Variants in MSI2 observed in about 807,000 individuals in gnomAD.
MSI2 encodes the protein musashi RNA binding protein 2, also known as RNA-binding protein Musashi homolog 2.
Under a neutral mutation model 45.6 loss-of-function variants are expected in MSI2, and 17 were observed. The observed-to-expected ratio is 0.37, with a 90% CI of 0.26 to 0.56. MSI2 has a LOEUF of 0.56. Among genes scored for constraint, MSI2 ranks in the 20% least tolerant of loss-of-function variants. MSI2 has a pLI of 0.77. For missense variants in MSI2, 293 were observed against 444.2 expected (o/e 0.66, Z 3.06); for synonymous variants, 156 against 158.2 (o/e 0.99, Z 0.11).
chr17:57,316,517 G>T (rs1912863487), intron 5 of MSI2, among the ~76,000 whole-genome samples: 1 of 152,090 alleles, frequency 6.6e-6, no homozygotes, highest in Admixed American at 6.6e-5. Context: ...GTGTAGACAG[G>T]ATCTTGCTAT....
chr17:57,676,890 C>T, intron 12 of MSI2, 97 bp from the exon 13 acceptor site: 1 of 841,368 alleles, frequency 1.2e-6, no homozygotes, highest in East Asian at 2.4e-5. Context: ...TGCTGGCAAC[C>T]ACAGAACTAG....
intron 8 of MSI2, chr17:57,600,712 C>G (rs1458150277): frequency 6.6e-6 from 1 of 152,134 alleles, no homozygotes; most frequent in Non-Finnish European, 1.5e-5. Flanking sequence ...CATGTAGGCC[C>G]TGCCTTAAGG....
chr17:57,462,640 G>A (rs902706063), intron 6 of MSI2, among the ~76,000 whole-genome samples: 1 of 152,226 alleles, frequency 6.6e-6, no homozygotes, highest in African/African-American at 2.4e-5. Context: ...CCAGCACAGA[G>A]CAGGACATTC....
In MSI2 at chr17:57,339,084, C is replaced by T. The variant is rs182648274; in HGVS notation, c.313-62295C>T. Among the ~76,000 whole-genome samples the T allele has an allele frequency of 9.9e-5, 15 of 152,130 alleles. No individual in the cohort carries two copies. In the East Asian group the frequency reaches 2.7e-3, roughly 28 times the overall value. On this transcript the variant is annotated intron_variant, in intron 5 of 13. Transcript: ENST00000284073. ...AAATCACGGACGTTAAAATAAATGACGCAAATATCTGTATTTTTTGTATCA... is the reference window on the plus strand; with the variant it reads ...AAATCACGGACGTTAAAATAAATGATGCAAATATCTGTATTTTTTGTATCA...
chr17:57,672,618 A>C (rs1221845855), intron 11 of MSI2, among the ~76,000 whole-genome samples: 1 of 152,190 alleles, frequency 6.6e-6, no homozygotes, highest in African/African-American at 2.4e-5. Context: ...CCGGCCAGAC[A>C]AGAAAGAAGC....
In MSI2 at chr17:57,529,586, A is replaced by G. The variant is rs1275424678; in HGVS notation, c.406-90A>G. Reference sequence around the variant, plus strand: ...AGCAACTATTACTTCTGTAATGGAAACTACCCCCTCACCCCCCGACATGCA... The same window carrying G: ...AGCAACTATTACTTCTGTAATGGAAGCTACCCCCTCACCCCCCGACATGCA... On this transcript the variant is annotated intron_variant, in intron 6 of 13. Coordinates refer to ENST00000284073, the MANE Select transcript of MSI2 (RefSeq NM_138962.4). The surrounding 1 kb of genome is among the most constrained non-coding windows in gnomAD (Gnocchi z 5.3). 2 of 1,180,600 alleles carry G rather than the reference A, an allele frequency of 1.7e-6. No individual in the cohort carries two copies. The highest frequency in any genetic ancestry group is 1.2e-6 in the Non-Finnish European group (1 of 804,250). 73.1% of individuals were successfully genotyped at this position (1,180,600 alleles called of 1,614,324 possible).
At chr17:57,471,899 G>A (rs1341438297) in intron 6 of MSI2, among the ~76,000 whole-genome samples, 3 of 152,176 alleles carry the variant, frequency 2.0e-5, no homozygotes, top group African/African-American at 7.2e-5. Flanking sequence ...GGGAGGGGAA[G>A]AGAGGGGAAA....
intron 5 of MSI2, chr17:57,267,874 G>A (rs1184035802): frequency 6.6e-6 from 1 of 152,000 alleles, no homozygotes; most frequent in African/African-American, 2.4e-5. Flanking sequence ...TCTAGTTTTT[G>A]CTGCCTTGAA....
chr17:57,587,229 G>T (rs1904377097), intron 7 of MSI2, among the ~76,000 whole-genome samples: 1 of 152,162 alleles, frequency 6.6e-6, no homozygotes, highest in Non-Finnish European at 1.5e-5. Flanking sequence ...TGGTCGCCAG[G>T]TTATGGTGGC....
At chr17:57,390,544 A>C (rs1172399072) in intron 5 of MSI2, among the ~76,000 whole-genome samples, 2 of 152,224 alleles carry the variant, frequency 1.3e-5, no homozygotes, top group African/African-American at 2.4e-5. Flanking sequence ...TGCTCATCAG[A>C]AACTGATTGC....
chr17:57,370,637 G>A (rs997312095), intron 5 of MSI2, among the ~76,000 whole-genome samples: 2 of 152,168 alleles, frequency 1.3e-5, no homozygotes, highest in East Asian at 1.9e-4. Flanking sequence ...ATTCTGCTAC[G>A]CCTGCTTTGA....
the MSI2 span, among the ~76,000 whole-genome samples, chr17:57,692,654 ATT>A: frequency 6.6e-6 from 1 of 152,072 alleles, no homozygotes; most frequent in Non-Finnish European, 1.5e-5. Context: ...TGAAAAAACT[ATT>A]TGTTTCTCTT....
rs191566573 is a variant in MSI2 at position 57,256,534 on chromosome 17, C to A, written c.-209C>A. The A allele has an allele frequency of 0.18, 52,138 of 289,996 alleles. 5,244 individuals are homozygous for A. Among genetic ancestry groups the A allele is most frequent in the East Asian group, 0.38 (8,076 of 20,988 alleles). 18.0% of individuals were successfully genotyped at this position (289,996 alleles called of 1,614,324 possible). The stretch of plus-strand genomic sequence containing the variant: ...GGGGACGGGGGGGTGTGCGAGGCAG[C>A]GGGGCTGAGCTAAGCCGAGCCCACG... On this transcript the variant is annotated 5_prime_UTR_variant, in exon 1 of 14. Coordinates refer to ENST00000284073, the MANE Select transcript of MSI2 (RefSeq NM_138962.4).
At chr17:57,669,999 C>T (rs1391265855) in intron 11 of MSI2, among the ~76,000 whole-genome samples, 1 of 152,208 alleles carries the variant, frequency 6.6e-6, no homozygotes, top group African/African-American at 2.4e-5. Flanking sequence ...GTGAGACCCA[C>T]CACACCAGGA....
chr17:57,674,084 C>G (rs1567971362), intron 11 of MSI2, among the ~76,000 whole-genome samples: 1 of 151,556 alleles, frequency 6.6e-6, no homozygotes, highest in Non-Finnish European at 1.5e-5. Flanking sequence ...TTTACCATTC[C>G]CCCCCATCCC....
intron 5 of MSI2, among the ~76,000 whole-genome samples, chr17:57,398,370 G>A (rs577627443): frequency 3.9e-5 from 6 of 152,264 alleles, no homozygotes; most frequent in African/African-American, 1.2e-4. Context: ...GGTAGATCAC[G>A]TTAGTGTTTC....
At chr17:57,495,482 A>AAGAT (rs2085958020) in intron 6 of MSI2, among the ~76,000 whole-genome samples, 1 of 133,764 alleles carries the variant, frequency 7.5e-6, no homozygotes. Flanking sequence ...GCAGTGAGCC[A>AAGAT]AGATTGCGCC....
chr17:57,534,606 C>CG (rs1234130761), intron 7 of MSI2, among the ~76,000 whole-genome samples: 3 of 140,110 alleles, frequency 2.1e-5, no homozygotes, highest in Non-Finnish European at 4.9e-5. Context: ...TCCCAGCCAC[C>CG]CGGGAGGCTG....
intron 4 of MSI2, among the ~76,000 whole-genome samples, chr17:57,260,881 C>A (rs909816191): frequency 1.3e-5 from 2 of 151,638 alleles, no homozygotes; most frequent in African/African-American, 2.4e-5. Context: ...CCACTCCCCA[C>A]CCCCACCTCC....
Sources: allele counts gnomAD v4.1 joint callset (sites outside exome capture counted in the v4.1 genomes callset), GRCh38; gene constraint gnomAD v4.1.1; non-coding constraint Gnocchi (gnomAD v3.1); transcripts MANE v1.5; gene names NCBI Gene and HGNC (gene_info 2026-07-23, HGNC 2026-07-21).